The following MTAP variants were observed in gnomAD, a reference collection of about 807,000 sequenced individuals.
MTAP encodes S-methyl-5'-thioadenosine phosphorylase.
MTAP carries 33 observed loss-of-function variants against 33.6 expected under a neutral mutation model. The ratio of observed to expected loss-of-function variants is 0.98; its 90% CI spans 0.74 to 1.31. The LOEUF (loss-of-function observed/expected upper bound fraction) is 1.31, where lower values mean the gene tolerates loss of function less well. Among genes scored for constraint, MTAP ranks in the 40% most tolerant of loss-of-function variants. The probability of loss-of-function intolerance (pLI) is 0.00; values close to 1 mark genes in which losing one functional copy is unlikely to be tolerated. For missense variants in MTAP, 367 were observed against 360.0 expected (o/e 1.02, Z -0.16); for synonymous variants, 148 against 125.7 (o/e 1.18, Z -1.19).
At chr9:21,875,118 G>T (rs1222296303) in intron 1 of MTAP, among the ~76,000 whole-genome samples, 1 of 152,134 alleles carries the variant, frequency 6.6e-6, no homozygotes, top group Admixed American at 6.5e-5. Context: ...TTACTCTTGT[G>T]AATAGTGCCG....
intron 1 of MTAP, among the ~76,000 whole-genome samples, chr9:21,909,747 A>C (rs1818539124): frequency 6.6e-6 from 1 of 152,182 alleles, no homozygotes; most frequent in Non-Finnish European, 1.5e-5. Context: ...CATGTGCCAG[A>C]TAGTATGGCA....
At position 21,912,573 on chromosome 9, in the gene MTAP, A is replaced by C. The variant is rs555719410; in HGVS notation, c.148-18435A>C. ...TAGATGCAGAAAAGACCTTCGATAA[A>C]ATTGAACAGCGCTTCATGCTAAAAA... is the stretch of plus-strand genomic sequence containing the variant. On this transcript the variant is annotated intron_variant, in intron 1 of 1. Coordinates refer to the MTAP transcript ENST00000577563. Among the ~76,000 whole-genome samples, 23 of 152,304 alleles carry C rather than the reference A, an allele frequency of 1.5e-4. No homozygotes were observed. The South Asian group carries it at 1.9e-3, about 12-fold the overall frequency.
chr9:21,826,644 T>C (rs1436267467), intron 4 of MTAP, among the ~76,000 whole-genome samples: 1 of 132,018 alleles, frequency 7.6e-6, no homozygotes, highest in Non-Finnish European at 1.6e-5. Flanking sequence ...TTATTATTAT[T>C]ATTATTTAAC....
chr9:21,842,762 T>C (rs1472647035), intron 5 of MTAP, among the ~76,000 whole-genome samples: 1 of 152,186 alleles, frequency 6.6e-6, no homozygotes, highest in Non-Finnish European at 1.5e-5. Context: ...AAAGGAGTTC[T>C]AAATCTTGAA....
intron 1 of MTAP, among the ~76,000 whole-genome samples, chr9:21,916,219 CAT>C (rs1047158315): frequency 2.6e-5 from 4 of 152,100 alleles, no homozygotes; most frequent in African/African-American, 9.7e-5. Context: ...AATGTGGCCT[CAT>C]TTGGAAATAG....
intron 5 of MTAP, among the ~76,000 whole-genome samples, chr9:21,846,593 T>C (rs947720762): frequency 5.0e-4 from 76 of 152,150 alleles, no homozygotes; most frequent in African/African-American, 1.7e-3. Flanking sequence ...ATAATAGATA[T>C]TGGTGTAGAT....
chr9:21,905,930 A>G (rs1818469881), intron 1 of MTAP, among the ~76,000 whole-genome samples: 1 of 152,210 alleles, frequency 6.6e-6, no homozygotes, highest in African/African-American at 2.4e-5. Context: ...ATTTTGTGTA[A>G]AAGGCAGCTT....
rs756310835 is a variant in MTAP at position 21,859,448 on chromosome 9, C to T, written c.813+23C>T. On this transcript the variant is annotated intron_variant, in intron 7 of 7. Coordinates refer to ENST00000644715, the MANE Select transcript of MTAP (RefSeq NM_002451.4). ...AAGGTAAGTGTCAGCCATGGACAAT[C>T]AGGCATGTCTGTAGACTCTCTATTG... 4.4e-6 allele frequency: 7 copies of T among 1,598,978 alleles called. No homozygotes were observed. The Middle Eastern group carries it at 5.0e-4, about 115-fold the overall frequency.
intron 4 of MTAP, 27 bp from the exon 5 acceptor site, chr9:21,837,881 A>G (rs1313118100): frequency 3.8e-6 from 6 of 1,599,160 alleles, no homozygotes; most frequent in Non-Finnish European, 5.1e-6. Flanking sequence ...TAAAACAAAC[A>G]AAAACCTTTT....
intron 1 of MTAP, among the ~76,000 whole-genome samples, chr9:21,808,583 C>T (rs1306064124): frequency 8.3e-6 from 1 of 121,014 alleles, no homozygotes; most frequent in Non-Finnish European, 1.7e-5. Flanking sequence ...CAAAGTGAGA[C>T]TCTGTTTCCA....
At chr9:21,812,259 G>T in intron 1 of MTAP, 1 of 229,032 alleles carries the variant, frequency 4.4e-6, no homozygotes. Context: ...ACTCATGGCT[G>T]CAGACACCAG....
At position 21,862,958 on chromosome 9, in the gene MTAP, A is replaced by G. The variant is rs1456924796; in HGVS notation, c.*944A>G. On this transcript the variant is annotated 3_prime_UTR_variant, in exon 8 of 8. Transcript: ENST00000644715. ...TGGATTTAGAAAGATCCAGTTCTTGAAAACACTGTTTCTGGTAATGAAGCA... is the reference window on the plus strand; with the variant it reads ...TGGATTTAGAAAGATCCAGTTCTTGGAAACACTGTTTCTGGTAATGAAGCA... 1 of 983,442 alleles carries G rather than the reference A, an allele frequency of 1.0e-6. No individual in the cohort carries two copies. Among genetic ancestry groups the G allele is most frequent in the East Asian group, 1.1e-4 (1 of 8,818 alleles). 60.9% of individuals were successfully genotyped at this position (983,442 alleles called of 1,614,324 possible).
At chr9:21,872,482 A>T (rs1227883925) in intron 1 of MTAP, among the ~76,000 whole-genome samples, 1 of 152,154 alleles carries the variant, frequency 6.6e-6, no homozygotes, top group Non-Finnish European at 1.5e-5. Flanking sequence ...CTTCATTTTC[A>T]TTCATTGTTG....
Position 21,864,011 on chromosome 9 carries a change from G to C in MTAP, c.*1997G>C, listed in dbSNP as rs942256462. 2 of 985,506 alleles carry C rather than the reference G, an allele frequency of 2.0e-6. No individual in the cohort carries two copies. Among genetic ancestry groups the C allele is most frequent in the Non-Finnish European group, 2.4e-6 (2 of 829,928 alleles). 61.0% of individuals were successfully genotyped at this position (985,506 alleles called of 1,614,324 possible). ...CCCAGGCTTCTCTAGCTCTGGTAAC[G>C]TGTGATTGTTTTCACTACAATATGA... On this transcript the variant is annotated 3_prime_UTR_variant, in exon 8 of 8. Transcript: ENST00000644715.
chr9:21,834,969 C>T (rs9298828), intron 4 of MTAP, among the ~76,000 whole-genome samples: 1,840 of 152,156 alleles, frequency 0.012, 34 homozygotes, highest in African/African-American at 0.038. Flanking sequence ...TTAGTCTGTT[C>T]AGGTTGATAC....
intron 4 of MTAP, among the ~76,000 whole-genome samples, chr9:21,831,660 G>T (rs938893852): frequency 1.3e-5 from 2 of 152,152 alleles, no homozygotes; most frequent in African/African-American, 4.8e-5. Context: ...AGATGAGTAG[G>T]ACTTGCTCAA....
downstream of MTAP, among the ~76,000 whole-genome samples, chr9:21,867,777 G>A (rs1010669452): frequency 6.6e-6 from 1 of 152,024 alleles, no homozygotes; most frequent in Non-Finnish European, 1.5e-5. Flanking sequence ...AAAAAGGCTG[G>A]AACAGCAGGT....
At chr9:21,889,345 C>A (rs1289799127) in intron 1 of MTAP, among the ~76,000 whole-genome samples, 1 of 151,792 alleles carries the variant, frequency 6.6e-6, no homozygotes, top group Non-Finnish European at 1.5e-5. Context: ...CTGCTACCTT[C>A]TTCAGTAGCT....
chr9:21,860,519 T>C (rs1367848961), intron 7 of MTAP: 1 of 152,226 alleles, frequency 6.6e-6, no homozygotes, highest in Non-Finnish European at 1.5e-5. Context: ...AGGACCTAAA[T>C]GTTATTTAAT....
Sources: allele counts gnomAD v4.1 joint callset (sites outside exome capture counted in the v4.1 genomes callset), GRCh38; gene constraint gnomAD v4.1.1; transcripts MANE v1.5; gene names NCBI Gene and HGNC (gene_info 2026-07-23, HGNC 2026-07-21).